VPS13A: variants seen among roughly 807,000 people sequenced by gnomAD.
The protein encoded by VPS13A is intermembrane lipid transfer protein VPS13A.
Under a neutral mutation model 390.9 loss-of-function variants are expected in VPS13A, and 264 were observed. The observed-to-expected ratio is 0.68, with a 90% CI of 0.61 to 0.75. The LOEUF is 0.75. Among genes scored for constraint, VPS13A ranks in the 30% least tolerant of loss-of-function variants. The probability of loss-of-function intolerance (pLI) is 0.00; values close to 1 mark genes in which losing one functional copy is unlikely to be tolerated. For synonymous variants in VPS13A, 1,231 were observed against 1,227.1 expected, an observed-to-expected ratio of 1.00 and a Z score of -0.07; for missense variants, 3,409 against 3,733.9, an observed-to-expected ratio of 0.91 and a Z score of 2.27.
At chr9:77,339,349 G>T (rs1830694718) in intron 47 of VPS13A, among the ~76,000 whole-genome samples, 167 bp from the exon 48 acceptor site, 1 of 152,040 alleles carries the variant, frequency 6.6e-6, no homozygotes, top group Admixed American at 6.5e-5. Flanking sequence ...CCGTGTAGAG[G>T]TTTACACAGT....
intron 1 of VPS13A, among the ~76,000 whole-genome samples, chr9:77,181,847 A>T (rs1026164987): frequency 6.6e-6 from 1 of 152,194 alleles, no homozygotes; most frequent in Admixed American, 6.5e-5. Flanking sequence ...GAAGAGTGCT[A>T]CTGTACTGGG....
intron 46 of VPS13A, among the ~76,000 whole-genome samples, chr9:77,335,146 A>G (rs1017014984): frequency 6.6e-6 from 1 of 152,250 alleles, no homozygotes; most frequent in Non-Finnish European, 1.5e-5. Context: ...TCTCATAACT[A>G]TAGCTAATTA....
chr9:77,370,571 T>C lies in VPS13A; in HGVS notation c.8900T>C (p.Leu2967Ser), dbSNP rs1832693901. 1 of 1,614,110 alleles carries C rather than the reference T, an allele frequency of 6.2e-7. No individual in the cohort carries two copies. Among genetic ancestry groups the C allele is most frequent in the Non-Finnish European group, 8.5e-7 (1 of 1,180,000 alleles). Residue 2967 changes from leucine to serine, a missense_variant, in exon 65 of 72, where the codon TTA (leucine) becomes TCA (serine). This residue lies in a region of VPS13A where 318 missense variants were observed against 333.7 expected (regional missense o/e 0.95). Transcript: ENST00000360280. ...REGITRGGKG[L>S]VSGFVSGITG... The stretch of plus-strand genomic sequence containing the variant: ...GGCATCACTCGTGGAGGAAAAGGCT[T>C]AGTTTCTGTAAGAAATTTCACAGGG...
At chr9:77,307,917 A>T in intron 34 of VPS13A, 28 bp from the exon 35 acceptor site, 1 of 1,552,190 alleles carries the variant, frequency 6.4e-7, no homozygotes, top group East Asian at 2.3e-5. Context: ...AGCAGTGCTA[A>T]AAAGAACAAA....
At chr9:77,201,490 T>G in intron 3 of VPS13A, 83 bp downstream of exon 3, 1 of 1,149,134 alleles carries the variant, frequency 8.7e-7, no homozygotes, top group East Asian at 2.4e-5. Context: ...TTATGTGATA[T>G]TTTTCATGTT....
chr9:77,185,790 C>T (rs1274025266), intron 1 of VPS13A, among the ~76,000 whole-genome samples: 3 of 152,154 alleles, frequency 2.0e-5, no homozygotes, highest in Non-Finnish European at 2.9e-5. Context: ...GGTTGTATTA[C>T]AGTTTGTGCT....
chr9:77,241,070 A>G (rs560587871), intron 19 of VPS13A, among the ~76,000 whole-genome samples: 60 of 152,132 alleles, frequency 3.9e-4, no homozygotes, highest in Non-Finnish European at 6.3e-4. Context: ...GGGATTTTTA[A>G]TGAGTTCTAG....
chr9:77,356,671 T>A (rs1831798279), intron 54 of VPS13A, 43 bp from the exon 55 acceptor site: 1 of 1,545,806 alleles, frequency 6.5e-7, no homozygotes, highest in African/African-American at 1.4e-5. Context: ...TAAATGTTAA[T>A]AACTTAGTAT....
intron 3 of VPS13A, among the ~76,000 whole-genome samples, chr9:77,203,820 G>A (rs981010942): frequency 6.6e-6 from 1 of 151,948 alleles, no homozygotes; most frequent in African/African-American, 2.4e-5. Flanking sequence ...TATATTTTTG[G>A]TCTGTACAGA....
At chr9:77,260,722 T>A (rs2131294819) in intron 23 of VPS13A, among the ~76,000 whole-genome samples, 1 of 152,068 alleles carries the variant, frequency 6.6e-6, no homozygotes, top group African/African-American at 2.4e-5. Context: ...AGATATAAAA[T>A]AATAAATCTA....
At chr9:77,327,145 G>A (rs577214269) in intron 45 of VPS13A, among the ~76,000 whole-genome samples, 5 of 152,152 alleles carry the variant, frequency 3.3e-5, no homozygotes, top group African/African-American at 1.2e-4. Flanking sequence ...CCCTTGTGCC[G>A]CCTCTTGCCC....
At chr9:77,225,848 T>C in intron 13 of VPS13A, 78 bp from the exon 14 acceptor site, 1 of 1,092,508 alleles carries the variant, frequency 9.2e-7, no homozygotes, top group Admixed American at 1.8e-5. Flanking sequence ...AGTGCAGCCA[T>C]TTGATAGATT....
At position 77,411,224 on chromosome 9, in the gene VPS13A, T is replaced by C. The variant is rs574249399; in HGVS notation, c.9474+3617T>C. On this transcript the variant is annotated intron_variant, in intron 71 of 71. Transcript: ENST00000360280. The stretch of plus-strand genomic sequence containing the variant: ...AACGAAATGAAGGCAGAAATAAAGA[T>C]GTTCTTTGAAACCAACGAGAACAAA... Among the ~76,000 whole-genome samples, 1,293 of 152,202 alleles carry C rather than the reference T, an allele frequency of 8.5e-3. 10 individuals are homozygous for C. Among genetic ancestry groups the C allele is most frequent in the South Asian group, 0.013 (65 of 4,820 alleles).
chr9:77,371,806 C>A (rs1193060520), intron 67 of VPS13A, among the ~76,000 whole-genome samples: 1 of 112,140 alleles, frequency 8.9e-6, no homozygotes, highest in African/African-American at 3.3e-5. Context: ...ATCCCTCCCC[C>A]CTCCCCCCTC....
intron 31 of VPS13A, among the ~76,000 whole-genome samples, chr9:77,290,292 A>G (rs1827574750): frequency 6.6e-6 from 1 of 151,948 alleles, no homozygotes; most frequent in Non-Finnish European, 1.5e-5. Context: ...AATCTATGAC[A>G]TTTCTTATTT....
At chr9:77,382,470 C>T in intron 68 of VPS13A, 2 of 1,350,560 alleles carry the variant, frequency 1.5e-6, no homozygotes, top group Non-Finnish European at 1.9e-6. Flanking sequence ...GTTCTTAGTT[C>T]TGCACTGGAT....
At chr9:77,336,802 C>CTTTTTTTTTTT (rs1221241397) in intron 46 of VPS13A, among the ~76,000 whole-genome samples, 3 of 107,986 alleles carry the variant, frequency 2.8e-5, no homozygotes, top group Admixed American at 1.1e-4. Context: ...ATTTATCTAT[C>CTTTTTTTTTTT]TTTTTTTTTT....
intron 68 of VPS13A, chr9:77,382,929 T>C: frequency 1.0e-6 from 1 of 985,278 alleles, no homozygotes. Context: ...AGTAATCATA[T>C]ATAGGCTATA....
At chr9:77,208,576 G>A (rs1254253936) in intron 5 of VPS13A, among the ~76,000 whole-genome samples, 3 of 151,830 alleles carry the variant, frequency 2.0e-5, no homozygotes, top group East Asian at 3.9e-4. Context: ...TTGAGACAAA[G>A]TCTCACTTTG....
Sources: gnomAD v4.1 joint callset for allele counts (sites outside exome capture counted in the v4.1 genomes callset) on GRCh38, gnomAD v4.1.1 for gene constraint, gnomAD v4.1.1 regional missense constraint, MANE v1.5 for transcripts, NCBI Gene and HGNC (gene_info 2026-07-23, HGNC 2026-07-21) for gene names.